RGS6: variants seen among roughly 807,000 people sequenced by gnomAD.
RGS6 encodes regulator of G-protein signaling 6.
Under a neutral mutation model 78.5 loss-of-function variants are expected in RGS6, and 30 were observed. The ratio of observed to expected loss-of-function variants is 0.38; its 90% CI spans 0.29 to 0.52. RGS6 has a LOEUF of 0.52. Among genes scored for constraint, RGS6 ranks in the 20% least tolerant of loss-of-function variants. RGS6 has a pLI of 0.85. For missense variants in RGS6, 495 were observed against 609.7 expected (o/e 0.81, Z 1.98); for synonymous variants, 206 against 206.0 (o/e 1.00, Z 0.00).
At chr14:72,187,155 G>T (rs1174838210) in intron 2 of RGS6, among the ~76,000 whole-genome samples, 1 of 152,124 alleles carries the variant, frequency 6.6e-6, no homozygotes, top group African/African-American at 2.4e-5. Context: ...TCAAATAGAT[G>T]CATTGATTTT....
At chr14:72,537,132 G>A (rs2097261349) in intron 16 of RGS6, among the ~76,000 whole-genome samples, 1 of 152,196 alleles carries the variant, frequency 6.6e-6, no homozygotes, top group Admixed American at 6.5e-5. Flanking sequence ...TGAGGCCCAT[G>A]TGTGGTTAAG....
At chr14:71,990,822 A>T (rs1193089163) in intron 2 of RGS6, 1 of 455,920 alleles carries the variant, frequency 2.2e-6, no homozygotes, top group East Asian at 6.9e-5. Context: ...TTCCTCACTT[A>T]CCACAAACAT....
intron 2 of RGS6, among the ~76,000 whole-genome samples, chr14:72,129,087 T>G (rs2096262819): frequency 6.6e-6 from 1 of 152,210 alleles, no homozygotes; most frequent in African/African-American, 2.4e-5. Flanking sequence ...GCTTTGGGCT[T>G]TCTTTTAGAG....
chr14:72,104,656 G>A (rs939305118), intron 2 of RGS6, among the ~76,000 whole-genome samples: 5 of 152,170 alleles, frequency 3.3e-5, no homozygotes, highest in African/African-American at 1.2e-4. Flanking sequence ...CAAGCTCTTC[G>A]AATACAGTGT....
intron 14 of RGS6, among the ~76,000 whole-genome samples, chr14:72,510,532 G>C (rs1317914295): frequency 6.6e-6 from 1 of 152,204 alleles, no homozygotes; most frequent in East Asian, 1.9e-4. Flanking sequence ...TTGGAAATAA[G>C]TCTTCAATAA....
At chr14:72,338,895 A>C (rs2076498964) in intron 2 of RGS6, among the ~76,000 whole-genome samples, 1 of 152,240 alleles carries the variant, frequency 6.6e-6, no homozygotes, top group Non-Finnish European at 1.5e-5. Flanking sequence ...ATTATTGAGG[A>C]GTGAGTAACT....
chr14:72,441,259 T>G (rs1352006528), intron 3 of RGS6, among the ~76,000 whole-genome samples: 1 of 152,132 alleles, frequency 6.6e-6, no homozygotes, highest in Non-Finnish European at 1.5e-5. Flanking sequence ...CTAGCCTCCC[T>G]CCCTTCAGTG....
At chr14:72,414,064 A>G (rs977962606) in intron 3 of RGS6, among the ~76,000 whole-genome samples, 20 of 152,130 alleles carry the variant, frequency 1.3e-4, no homozygotes, top group Non-Finnish European at 2.5e-4. Context: ...TGCTCTTCTC[A>G]AGGAGTATCT....
intron 3 of RGS6, among the ~76,000 whole-genome samples, chr14:72,450,681 G>A (rs2153225158): frequency 6.6e-6 from 1 of 152,316 alleles, no homozygotes; most frequent in South Asian, 2.1e-4. Context: ...CCAGAAACCA[G>A]TCGTGGTAAC....
intron 2 of RGS6, among the ~76,000 whole-genome samples, chr14:71,988,717 T>C (rs139336420): frequency 6.6e-6 from 1 of 152,300 alleles, no homozygotes; most frequent in African/African-American, 2.4e-5. Flanking sequence ...CATCGGCAAA[T>C]GTCCTTGTTG....
chr14:71,967,832 C>A (rs1042042170), intron 2 of RGS6, among the ~76,000 whole-genome samples: 1 of 152,126 alleles, frequency 6.6e-6, no homozygotes, highest in African/African-American at 2.4e-5. Flanking sequence ...TTTTAAATGA[C>A]ATTTAGGATG....
At chr14:72,569,117 T>A (rs912141049), downstream of RGS6, among the ~76,000 whole-genome samples, 4 of 151,464 alleles carry the variant, frequency 2.6e-5, no homozygotes, top group Admixed American at 2.6e-4. Flanking sequence ...CTGGGGTGTG[T>A]GTGTGTGTGT....
At chr14:72,059,089 G>A (rs1367598389) in intron 2 of RGS6, among the ~76,000 whole-genome samples, 3 of 151,990 alleles carry the variant, frequency 2.0e-5, no homozygotes, top group Admixed American at 1.3e-4. Flanking sequence ...TAGTAGAGAC[G>A]GGGTTTTGCC....
chr14:72,589,640 C>T, the RGS6 span, among the ~76,000 whole-genome samples: 1 of 152,176 alleles, frequency 6.6e-6, no homozygotes, highest in Non-Finnish European at 1.5e-5. Context: ...TGCCCTTTGA[C>T]CTTGTTACTC....
intron 2 of RGS6, among the ~76,000 whole-genome samples, chr14:72,178,400 C>T (rs1029436717): frequency 6.6e-6 from 1 of 152,226 alleles, no homozygotes; most frequent in Non-Finnish European, 1.5e-5. Context: ...TTACCAGAGG[C>T]CAGTCTTTCC....
intron 2 of RGS6, among the ~76,000 whole-genome samples, chr14:72,161,605 G>A (rs530183337): frequency 4.3e-4 from 66 of 152,278 alleles, no homozygotes; most frequent in African/African-American, 1.5e-3. Flanking sequence ...GAGCTAGGGG[G>A]CTCAAAACAG....
At chr14:72,266,294 A>G (rs1177369954) in intron 2 of RGS6, among the ~76,000 whole-genome samples, 2 of 152,098 alleles carry the variant, frequency 1.3e-5, no homozygotes, top group Non-Finnish European at 2.9e-5. Context: ...AAGTAGTCAG[A>G]CCTCTTTCAG....
At chr14:72,210,263 A>T (rs1300770034) in intron 2 of RGS6, among the ~76,000 whole-genome samples, 1 of 152,218 alleles carries the variant, frequency 6.6e-6, no homozygotes, top group Non-Finnish European at 1.5e-5. Context: ...TCAGAGAAGG[A>T]TGAGAGATGG....
At chr14:72,336,678 C>T (rs1008134403) in intron 2 of RGS6, among the ~76,000 whole-genome samples, 3 of 152,148 alleles carry the variant, frequency 2.0e-5, no homozygotes, top group Admixed American at 1.3e-4. Flanking sequence ...TTCAGGAGTA[C>T]ATTAGCTTGC....
Sources: gnomAD v4.1 joint callset for allele counts (sites outside exome capture counted in the v4.1 genomes callset) on GRCh38, gnomAD v4.1.1 for gene constraint, MANE v1.5 for transcripts, NCBI Gene and HGNC (gene_info 2026-07-23, HGNC 2026-07-21) for gene names.